The following RSRP1 variants were observed in gnomAD, a reference collection of about 807,000 sequenced individuals.
RSRP1 encodes arginine/serine-rich protein 1.
Under a neutral mutation model 33.0 loss-of-function variants are expected in RSRP1, and 37 were observed. That is an observed-to-expected ratio of 1.12 (90% CI 0.86 to 1.48). The LOEUF is 1.48. RSRP1 is among the 40% of genes most tolerant of loss of function. The pLI, the probability that RSRP1 is intolerant of heterozygous loss-of-function variation, is 0.00. For synonymous variants in RSRP1, 167 were observed against 158.7 expected, an observed-to-expected ratio of 1.05 and a Z score of -0.40; for missense variants, 402 against 385.3, an observed-to-expected ratio of 1.04 and a Z score of -0.36.
At chr1:25,251,978 C>A (rs1639799096), upstream of RSRP1, among the ~76,000 whole-genome samples, 1 of 150,354 alleles carries the variant, frequency 6.7e-6, no homozygotes, top group Non-Finnish European at 1.5e-5. Context: ...GCCACCTCTG[C>A]CTCCCTGGTT....
At position 25,268,087 on chromosome 1, in the gene RSRP1, T is replaced by A. The variant is rs1640378160; in HGVS notation, c.-66-21058A>T. On this transcript the variant is annotated intron_variant, in intron 1 of 1. Transcript: ENST00000561867. ...TCCGTGATTGGCATTCCAGAAATGGTAGCTGTTATTCAGCCAACAAATATT... is the reference window on the plus strand; with the variant it reads ...TCCGTGATTGGCATTCCAGAAATGGAAGCTGTTATTCAGCCAACAAATATT... Among the ~76,000 whole-genome samples, 2 of 134,016 alleles carry A rather than the reference T, an allele frequency of 1.5e-5. 1 individual carries two copies. Among genetic ancestry groups the A allele is most frequent in the African/African-American group, 5.1e-5 (2 of 39,290 alleles). The allele number at this position is 134,016 out of a possible 152,430, so 87.9% of individuals were successfully genotyped here. A position where few individuals can be genotyped will look rare whatever the true frequency, so the allele number is the denominator to read the frequency against.
At chr1:25,292,549 CTGG>C (rs1208750307) in intron 1 of RSRP1, among the ~76,000 whole-genome samples, 5 of 130,600 alleles carry the variant, frequency 3.8e-5, no homozygotes, top group African/African-American at 1.3e-4. Context: ...TCAGCGGCTG[CTGG>C]TGCCATTTAC....
Position 25,245,172 on chromosome 1 carries a change from G to A in RSRP1, c.650C>T (p.Ser217Leu). ...AKETSRGIGVSSNGAKPELSE... is the reference protein window; with the variant it reads ...AKETSRGIGVLSNGAKPELSE... ...TACTTCAGGCTTTGCACCATTACTT[G>A]ATACACCTATTCCACGGCTTGTTTC... Residue 217 changes from serine (S) to leucine (L), a missense_variant, in exon 3 of 5, where the codon TCA becomes TTA. Physicochemically the swap from Ser to Leu is moderately radical, Grantham distance 145. Coordinates refer to ENST00000243189, the MANE Select transcript of RSRP1 (RefSeq NM_020317.5). The A allele has an allele frequency of 6.2e-7, 1 of 1,614,136 alleles. No homozygotes were observed. Among genetic ancestry groups the A allele is most frequent in the African/African-American group, 1.3e-5 (1 of 75,044 alleles).
chr1:25,299,197 C>T (rs1215361304), intron 1 of RSRP1, among the ~76,000 whole-genome samples: 1 of 125,912 alleles, frequency 7.9e-6, no homozygotes, highest in African/African-American at 2.7e-5. Flanking sequence ...GGCTGGGGAA[C>T]ATGGTGAAAC....
chr1:25,287,120 A>T (rs113225898), intron 1 of RSRP1, among the ~76,000 whole-genome samples: 2,790 of 134,876 alleles, frequency 0.021, 433 homozygotes, highest in African/African-American at 0.066. Flanking sequence ...AAAACAGTCT[A>T]TGAGTTAATT....
chr1:25,282,317 C>T (rs1238260821), intron 1 of RSRP1, among the ~76,000 whole-genome samples: 1 of 131,610 alleles, frequency 7.6e-6, no homozygotes, highest in Non-Finnish European at 1.8e-5. Context: ...TCACTGCAAC[C>T]TCTGCCTCCC....
At chr1:25,305,435 C>T (rs1409555532) in intron 1 of RSRP1, among the ~76,000 whole-genome samples, 7 of 121,858 alleles carry the variant, frequency 5.7e-5, no homozygotes, top group African/African-American at 2.0e-4. Flanking sequence ...CTCATTCTGT[C>T]ACCCAGGCTG....
Position 25,322,002 on chromosome 1 carries a change from C to A in RSRP1, c.-67+15976G>T, listed in dbSNP as rs569625618. 482 of 1,021,816 alleles carry A rather than the reference C, an allele frequency of 4.7e-4. 27 individuals carry two copies. In the East Asian group the frequency reaches 0.011, roughly 22 times the overall value. The allele number at this position is 1,021,816 out of a possible 1,614,324, so 63.3% of individuals were successfully genotyped here. A position where few individuals can be genotyped will look rare whatever the true frequency, so the allele number is the denominator to read the frequency against. On this transcript the variant is annotated intron_variant, in intron 1 of 1. Transcript: ENST00000561867. ...CTATTAACGTGATAGATTTTGAGTG[C>A]ATGAACTTAAAAACATACCTGAGTA...
chr1:25,242,500 A>T lies in RSRP1; in HGVS notation c.*89T>A. 2.6e-6 allele frequency: 2 copies of T among 767,174 alleles called. No homozygotes were observed. The allele number at this position is 767,174 out of a possible 1,614,324, so 47.5% of individuals were successfully genotyped here. ...GTTTTTAAATGCACAAGTACCCCTG[A>T]ATGGCTCAAAGGGATGGGATAATGC... On this transcript the variant is annotated 3_prime_UTR_variant, in exon 5 of 5. Transcript: ENST00000243189.
At chr1:25,252,549 T>C (rs1639821985) in intron 1 of RSRP1, among the ~76,000 whole-genome samples, 1 of 151,426 alleles carries the variant, frequency 6.6e-6, no homozygotes, top group African/African-American at 2.4e-5. Flanking sequence ...TTTTTTTTTT[T>C]TGAGACGGAG....
At chr1:25,244,542 G>A (rs1639186159) in intron 3 of RSRP1, 1 of 1,288,920 alleles carries the variant, frequency 7.8e-7, no homozygotes, top group African/African-American at 1.5e-5. Context: ...TGTATATGCT[G>A]AGTACAGAAT....
At chr1:25,245,344 G>A (rs201999581) in intron 2 of RSRP1, 43 bp from the exon 3 acceptor site, 1 of 1,565,136 alleles carries the variant, frequency 6.4e-7, no homozygotes, top group Non-Finnish European at 8.7e-7. Flanking sequence ...CATTAATCTG[G>A]TAGTTATTTC....
chr1:25,304,843 C>T (rs1049121798), intron 1 of RSRP1: 1 of 131,602 alleles, frequency 7.6e-6, no homozygotes, highest in Non-Finnish European at 1.8e-5. Flanking sequence ...GGAGGAAGGG[C>T]AGAAAAAAGA....
intron 1 of RSRP1, among the ~76,000 whole-genome samples, chr1:25,315,228 T>C (rs1644378173): frequency 7.7e-6 from 1 of 130,108 alleles, no homozygotes; most frequent in Admixed American, 7.5e-5. Flanking sequence ...TATTATTAGA[T>C]CAATGAATTG....
At chr1:25,244,249 A>G (rs1210708835) in intron 3 of RSRP1, 3 of 1,289,150 alleles carry the variant, frequency 2.3e-6, no homozygotes, top group Non-Finnish European at 3.0e-6. Flanking sequence ...ATATATTATG[A>G]AAGGGACATC....
upstream of RSRP1, among the ~76,000 whole-genome samples, chr1:25,250,354 A>G (rs939316190): frequency 1.3e-5 from 2 of 152,160 alleles, no homozygotes; most frequent in Non-Finnish European, 2.9e-5. Context: ...TTAGGGGGAT[A>G]AAGAGGGCTG....
chr1:25,247,605 TGCCTCCAGGGTGCGCATGCGCGATGG>T (rs1452476552), upstream of RSRP1: 2 of 152,332 alleles, frequency 1.3e-5, no homozygotes, highest in Non-Finnish European at 2.9e-5. Context: ...CTCGAGCGCT[TGCCTCCAGGGTGCGCATGCGCGATGG>T]GGCTCCAGGG....
intron 1 of RSRP1, among the ~76,000 whole-genome samples, chr1:25,259,974 G>A (rs1030139564): frequency 2.6e-5 from 4 of 151,754 alleles, no homozygotes; most frequent in South Asian, 4.2e-4. Flanking sequence ...AGGCTGATAC[G>A]ACAGCTCTCT....
intron 1 of RSRP1, chr1:25,284,749 A>G (rs1376983227): frequency 7.2e-7 from 1 of 1,388,776 alleles, no homozygotes; most frequent in African/African-American, 1.4e-5. Context: ...GGTGGTCATC[A>G]CACTGTTCAG....
Sources: gnomAD v4.1 joint callset for allele counts (sites outside exome capture counted in the v4.1 genomes callset) on GRCh38, gnomAD v4.1.1 for gene constraint, MANE v1.5 for transcripts, NCBI Gene and HGNC (gene_info 2026-07-23, HGNC 2026-07-21) for gene names.